The following CTNNA2 variants were observed in gnomAD, a reference collection of about 807,000 sequenced individuals.
The protein encoded by CTNNA2 is catenin alpha 2.
In CTNNA2, 42 loss-of-function variants were observed where a neutral mutation model predicts 101.0. The ratio of observed to expected loss-of-function variants is 0.42; its 90% CI spans 0.32 to 0.54. CTNNA2 has a LOEUF of 0.54. Ranked by LOEUF, CTNNA2 falls within the 20% of genes least tolerant of loss-of-function variation. The probability of loss-of-function intolerance (pLI) is 0.14; values close to 1 mark genes in which losing one functional copy is unlikely to be tolerated. For synonymous variants in CTNNA2, 450 were observed against 456.4 expected, an observed-to-expected ratio of 0.99 and a Z score of 0.18; for missense variants, 871 against 1,223.1, an observed-to-expected ratio of 0.71 and a Z score of 4.29.
chr2:80,432,554 C>T (rs367722201), intron 9 of CTNNA2, among the ~76,000 whole-genome samples: 1 of 152,146 alleles, frequency 6.6e-6, no homozygotes, highest in African/African-American at 2.4e-5. Context: ...TCACATAATA[C>T]CGGTGGCCAC....
chr2:79,656,676 G>A (rs1681632823), intron 2 of CTNNA2, among the ~76,000 whole-genome samples: 5 of 151,922 alleles, frequency 3.3e-5, no homozygotes, highest in Admixed American at 3.3e-4. Flanking sequence ...TTAAAATGAT[G>A]AAACTGCTAA....
chr2:79,253,465 G>T (rs1270654913), intron 2 of CTNNA2, among the ~76,000 whole-genome samples: 3 of 152,208 alleles, frequency 2.0e-5, no homozygotes, highest in Non-Finnish European at 4.4e-5. Flanking sequence ...TTGCAAATCA[G>T]CCTGCATCTA....
At chr2:79,834,211 T>C (rs1431592656) in intron 3 of CTNNA2, among the ~76,000 whole-genome samples, 1 of 152,166 alleles carries the variant, frequency 6.6e-6, no homozygotes, top group Non-Finnish European at 1.5e-5. Flanking sequence ...GTGACACTAA[T>C]TTGTTTTTAG....
intron 4 of CTNNA2, among the ~76,000 whole-genome samples, chr2:79,470,277 A>G (rs574774249): frequency 6.6e-6 from 1 of 152,296 alleles, no homozygotes; most frequent in South Asian, 2.1e-4. Flanking sequence ...CTTAGGCGGG[A>G]GGAGCATTTG....
At chr2:80,516,466 A>G (rs1689116584) in intron 9 of CTNNA2, among the ~76,000 whole-genome samples, 1 of 152,120 alleles carries the variant, frequency 6.6e-6, no homozygotes, top group African/African-American at 2.4e-5. Flanking sequence ...GCCTCTCCCC[A>G]TTAATGCTCC....
intron 9 of CTNNA2, among the ~76,000 whole-genome samples, chr2:80,421,836 C>A (rs1680552885): frequency 6.6e-6 from 1 of 151,092 alleles, no homozygotes; most frequent in African/African-American, 2.4e-5. Flanking sequence ...ACTTGAACCA[C>A]CGAGCTGAGT....
At chr2:79,287,922 T>C (rs1675660760) in intron 2 of CTNNA2, among the ~76,000 whole-genome samples, 1 of 152,230 alleles carries the variant, frequency 6.6e-6, no homozygotes, top group Non-Finnish European at 1.5e-5. Flanking sequence ...TCGGACCCTC[T>C]GAGCCAGGTG....
chr2:79,941,130 C>T (rs17018179), intron 7 of CTNNA2, among the ~76,000 whole-genome samples: 1,745 of 152,256 alleles, frequency 0.011, 102 homozygotes, highest in Admixed American at 0.097. Flanking sequence ...GCATTGCTCT[C>T]GTGTTTGACT....
At chr2:80,213,954 T>C (rs1389417028) in intron 7 of CTNNA2, among the ~76,000 whole-genome samples, 1 of 152,224 alleles carries the variant, frequency 6.6e-6, no homozygotes, top group Non-Finnish European at 1.5e-5. Flanking sequence ...AATTGATGCC[T>C]TTACCATTAA....
intron 1 of CTNNA2, among the ~76,000 whole-genome samples, chr2:79,570,072 T>G (rs1307036117): frequency 6.6e-6 from 1 of 152,212 alleles, no homozygotes; most frequent in Non-Finnish European, 1.5e-5. Flanking sequence ...AACTTCAATG[T>G]GGTGAATAAA....
At chr2:79,695,358 G>T (rs1047852354) in intron 2 of CTNNA2, among the ~76,000 whole-genome samples, 1 of 151,944 alleles carries the variant, frequency 6.6e-6, no homozygotes, top group Non-Finnish European at 1.5e-5. Flanking sequence ...GTTACAGCCT[G>T]CAGGCTGGCT....
chr2:80,617,673 A>G (rs3770360), intron 17 of CTNNA2, among the ~76,000 whole-genome samples: 85,983 of 151,470 alleles, frequency 0.57, 24,752 homozygotes, highest in African/African-American at 0.64. Context: ...ATCCATAATC[A>G]GTTTGAATTT....
intron 2 of CTNNA2, among the ~76,000 whole-genome samples, chr2:79,254,464 T>G (rs1020297332): frequency 2.6e-5 from 4 of 152,170 alleles, no homozygotes; most frequent in African/African-American, 9.7e-5. Context: ...CCCTCTACAC[T>G]CTCTTTCTTC....
At chr2:79,584,660 C>T (rs1310328146) in intron 1 of CTNNA2, among the ~76,000 whole-genome samples, 1 of 151,654 alleles carries the variant, frequency 6.6e-6, no homozygotes, top group Non-Finnish European at 1.5e-5. Context: ...AAAGGGAGTA[C>T]AGGCACACAC....
chr2:80,292,457 G>A (rs1675345232), intron 7 of CTNNA2, among the ~76,000 whole-genome samples: 1 of 152,070 alleles, frequency 6.6e-6, no homozygotes, highest in Non-Finnish European at 1.5e-5. Flanking sequence ...GTAAAGGGAG[G>A]ATGCTAATAC....
At chr2:79,396,199 G>C (rs1477936717) in intron 4 of CTNNA2, among the ~76,000 whole-genome samples, 1 of 151,404 alleles carries the variant, frequency 6.6e-6, no homozygotes, top group African/African-American at 2.4e-5. Context: ...AGAGTTTCTT[G>C]TCTCCTAGGC....
chr2:80,404,382 A>C (rs984849678), intron 8 of CTNNA2, among the ~76,000 whole-genome samples: 2 of 152,312 alleles, frequency 1.3e-5, no homozygotes, highest in Non-Finnish European at 2.9e-5. Flanking sequence ...ATATAGAGAA[A>C]AAAATAGTAA....
At chr2:80,109,001 A>T (rs1400990019) in intron 7 of CTNNA2, among the ~76,000 whole-genome samples, 2 of 152,182 alleles carry the variant, frequency 1.3e-5, no homozygotes, top group Admixed American at 1.3e-4. Context: ...GACATACCTC[A>T]TCACATACTT....
At chr2:79,584,048 A>G (rs748496206) in intron 1 of CTNNA2, among the ~76,000 whole-genome samples, 2 of 152,264 alleles carry the variant, frequency 1.3e-5, no homozygotes, top group Non-Finnish European at 2.9e-5. Flanking sequence ...CTTAGGAGAC[A>G]TGAATGTCTG....
Sources: gnomAD v4.1 joint callset for allele counts (sites outside exome capture counted in the v4.1 genomes callset) on GRCh38, gnomAD v4.1.1 for gene constraint, MANE v1.5 for transcripts, NCBI Gene and HGNC (gene_info 2026-07-23, HGNC 2026-07-21) for gene names.